The following COL22A1 variants were observed in gnomAD, a reference collection of about 807,000 sequenced individuals.
COL22A1 encodes the protein collagen alpha-1(XXII) chain.
A neutral mutation model predicts 248.9 loss-of-function variants in COL22A1; 221 were observed. The observed-to-expected ratio is 0.89, with a 90% CI of 0.80 to 0.99. The LOEUF is 0.99. COL22A1 is among the 50% of genes least tolerant of loss of function. COL22A1 has a pLI of 0.00. For synonymous variants in COL22A1, 891 were observed against 793.4 expected (o/e 1.12, Z -2.07); for missense variants, 2,240 against 2,179.0 (o/e 1.03, Z -0.56).
intron 1 of COL22A1, among the ~76,000 whole-genome samples, chr8:138,884,882 CAGAAG>C (rs79339580): frequency 0.13 from 20,338 of 152,116 alleles, 1,362 homozygotes; most frequent in African/African-American, 0.17. Context: ...TAAAAGGAAT[CAGAAG>C]AGAAGCTCCA....
intron 18 of COL22A1, among the ~76,000 whole-genome samples, chr8:138,758,610 T>C (rs1833216127): frequency 1.3e-5 from 2 of 152,198 alleles, no homozygotes; most frequent in Admixed American, 1.3e-4. Flanking sequence ...ATCTGTAAAA[T>C]GAAGCAGTTT....
intron 15 of COL22A1, 169 bp downstream of exon 15, chr8:138,778,184 T>C: frequency 2.7e-6 from 2 of 744,838 alleles, no homozygotes; most frequent in Non-Finnish European, 4.8e-6. Context: ...TTATGGACTG[T>C]AACATCTAAT....
At chr8:138,762,166 C>A (rs6577946) in intron 17 of COL22A1, among the ~76,000 whole-genome samples, 84,816 of 152,036 alleles carry the variant, frequency 0.56, 25,375 homozygotes, top group East Asian at 0.8. Flanking sequence ...GAGGCCTTTA[C>A]ATTATGATAA....
At chr8:138,760,649 G>A (rs1349947620) in intron 17 of COL22A1, among the ~76,000 whole-genome samples, 1 of 152,100 alleles carries the variant, frequency 6.6e-6, no homozygotes, top group Non-Finnish European at 1.5e-5. Flanking sequence ...GTGGAGTCTG[G>A]TGGAGTTGAA....
At chr8:138,618,857 G>T (rs1425624851) in intron 53 of COL22A1, among the ~76,000 whole-genome samples, 1 of 152,076 alleles carries the variant, frequency 6.6e-6, no homozygotes, top group Admixed American at 6.6e-5. Flanking sequence ...GTTCATTTTT[G>T]TAGGTAAACA....
rs1238032353 is a variant in COL22A1, at chr8:138,663,012, T to TCACACACA, written c.3186+692_3186+693insTGTGTGTG. On this transcript the variant is annotated intron_variant, in intron 42 of 64. Coordinates refer to ENST00000303045, the MANE Select transcript of COL22A1 (RefSeq NM_152888.3). The stretch of plus-strand genomic sequence containing the variant: ...GCCTGGTTGACAGAGCAGGACTCTG[T>TCACACACA]CACTCACACACACACACACACACAA... 3.6e-3 allele frequency among the ~76,000 whole-genome samples: 506 copies of TCACACACA among 140,868 alleles called. 5 individuals are homozygous for TCACACACA. Among genetic ancestry groups the TCACACACA allele is most frequent in the African/African-American group, 0.012 (460 of 38,772 alleles). The allele number at this position is 140,868 out of a possible 152,430, so 92.4% of individuals were successfully genotyped here. A position where few individuals can be genotyped will look rare whatever the true frequency, so the allele number is the denominator to read the frequency against.
intron 50 of COL22A1, among the ~76,000 whole-genome samples, chr8:138,627,137 C>A (rs1176185742): frequency 1.3e-5 from 2 of 152,176 alleles, no homozygotes; most frequent in African/African-American, 4.8e-5. Flanking sequence ...CATCACAACA[C>A]CTAAAAACAC....
chr8:138,688,114 G>T (rs569985539), intron 37 of COL22A1, among the ~76,000 whole-genome samples: 2 of 151,896 alleles, frequency 1.3e-5, no homozygotes, highest in African/African-American at 4.8e-5. Context: ...TTCCTAAGGT[G>T]CTATGTCAGA....
At chr8:138,838,344 G>T (rs769343132) in intron 4 of COL22A1, among the ~76,000 whole-genome samples, 1 of 152,108 alleles carries the variant, frequency 6.6e-6, no homozygotes, top group Non-Finnish European at 1.5e-5. Flanking sequence ...TGAGGGATGA[G>T]GGGGAGTGAG....
rs1824191797 is a variant in COL22A1, at chr8:138,663,726, T to C, written c.3165A>G (p.Pro1055=). Residue 1055 remains proline (P), a synonymous_variant, in exon 42 of 65, where the codon CCA becomes CCG. Coordinates refer to ENST00000303045, the MANE Select transcript of COL22A1 (RefSeq NM_152888.3). Reference sequence around the variant, plus strand: ...GTACCGGGGATCCTTTGTCTCCTGGTGGTCCGGAAGGGCCCTAGAAACAAA... The same window carrying C: ...GTACCGGGGATCCTTTGTCTCCTGGCGGTCCGGAAGGGCCCTAGAAACAAA... The part of the protein sequence containing the change: ...GVAGPPGPSG[P]PGDKGSPGSR... 6.2e-7 allele frequency: 1 copy of C among 1,611,652 alleles called. No homozygotes were observed. Among genetic ancestry groups the C allele is most frequent in the African/African-American group, 1.3e-5 (1 of 75,014 alleles).
chr8:138,752,138 C>T (rs1277378821), intron 21 of COL22A1, among the ~76,000 whole-genome samples: 3 of 152,168 alleles, frequency 2.0e-5, no homozygotes, highest in Non-Finnish European at 4.4e-5. Context: ...GATACAACCA[C>T]CTACTGAGCA....
intron 5 of COL22A1, among the ~76,000 whole-genome samples, chr8:138,831,275 TG>T (rs1383656607): frequency 3.3e-5 from 5 of 152,206 alleles, no homozygotes; most frequent in Non-Finnish European, 5.9e-5. Context: ...GACTAGCATC[TG>T]AAAGAACATT....
intron 1 of COL22A1, among the ~76,000 whole-genome samples, chr8:138,896,934 C>T (rs1272601920): frequency 6.6e-6 from 1 of 151,728 alleles, no homozygotes; most frequent in African/African-American, 2.4e-5. Flanking sequence ...GATTGTGCCA[C>T]TGCACTCCAG....
intron 47 of COL22A1, among the ~76,000 whole-genome samples, chr8:138,638,425 T>A (rs1821381534): frequency 6.6e-6 from 1 of 152,132 alleles, no homozygotes; most frequent in Non-Finnish European, 1.5e-5. Flanking sequence ...CAGGTCCATC[T>A]AGGAGGGTCC....
intron 6 of COL22A1, among the ~76,000 whole-genome samples, chr8:138,825,304 T>C (rs1043718248): frequency 1.1e-4 from 16 of 152,290 alleles, no homozygotes; most frequent in African/African-American, 3.9e-4. Flanking sequence ...AGGGATGTTA[T>C]GGAAAAATCA....
intron 49 of COL22A1, among the ~76,000 whole-genome samples, chr8:138,630,973 G>A (rs558631420): frequency 6.6e-6 from 1 of 152,288 alleles, no homozygotes; most frequent in African/African-American, 2.4e-5. Flanking sequence ...TTGGTGATAA[G>A]TGAGCCCCCA....
At chr8:138,812,039 G>C in intron 8 of COL22A1, 118 bp from the exon 9 acceptor site, 2 of 1,214,166 alleles carry the variant, frequency 1.6e-6, no homozygotes, top group Non-Finnish European at 2.3e-6. Context: ...AGAAAACGCT[G>C]AGGATGTCTC....
At chr8:138,676,846 T>C (rs1825601641) in intron 40 of COL22A1, among the ~76,000 whole-genome samples, 1 of 152,146 alleles carries the variant, frequency 6.6e-6, no homozygotes, top group Non-Finnish European at 1.5e-5. Context: ...ATTATATACC[T>C]TTCAAGGACG....
chr8:138,812,678 C>T (rs958254440), intron 8 of COL22A1, among the ~76,000 whole-genome samples: 7 of 147,430 alleles, frequency 4.7e-5, no homozygotes, highest in African/African-American at 1.9e-4. Context: ...CCCCTGCCTC[C>T]TACATCCCCT....
Sources: gnomAD v4.1 joint callset for allele counts (sites outside exome capture counted in the v4.1 genomes callset) on GRCh38, gnomAD v4.1.1 for gene constraint, MANE v1.5 for transcripts, NCBI Gene and HGNC (gene_info 2026-07-23, HGNC 2026-07-21) for gene names.